The following OTOA variants were observed in gnomAD, a reference collection of about 807,000 sequenced individuals.
OTOA encodes the protein otoancorin, also known as cancer/testis antigen 108.
Under a neutral mutation model 110.8 loss-of-function variants are expected in OTOA, and 70 were observed. That is an observed-to-expected ratio of 0.63 (90% confidence interval 0.52 to 0.77). The LOEUF (loss-of-function observed/expected upper bound fraction) is 0.77, where lower values mean the gene tolerates loss of function less well. Among genes scored for constraint, OTOA ranks in the 30% least tolerant of loss-of-function variants. OTOA has a pLI of 0.00. For synonymous variants in OTOA, 373 were observed against 431.5 expected (o/e 0.86, Z 1.68); for missense variants, 917 against 1,075.8 (o/e 0.85, Z 2.06).
intron 13 of OTOA, 66 bp from the exon 14 acceptor site, chr16:21,714,919 C>T: frequency 1.2e-6 from 2 of 1,604,422 alleles, no homozygotes; most frequent in Non-Finnish European, 1.7e-6. Flanking sequence ...CATAGATGGG[C>T]TGAGTGCACG....
At chr16:21,706,784 G>A (rs1268543609) in intron 12 of OTOA, among the ~76,000 whole-genome samples, 7 of 148,874 alleles carry the variant, frequency 4.7e-5, no homozygotes, top group Admixed American at 4.0e-4. Flanking sequence ...AAACACATTT[G>A]ACATTTGAGA....
At chr16:21,719,554 C>T in intron 17 of OTOA, 50 bp downstream of exon 17, 3 of 1,511,780 alleles carry the variant, frequency 2.0e-6, no homozygotes, top group Non-Finnish European at 2.8e-6. Flanking sequence ...CTACCCCAGT[C>T]ACTGGGCCTG....
At chr16:21,705,006 G>A (rs755756288) in intron 11 of OTOA, 163 bp from the exon 12 acceptor site, 24 of 1,147,486 alleles carry the variant, frequency 2.1e-5, no homozygotes, top group Non-Finnish European at 2.9e-5. Flanking sequence ...TCCGCCTGTG[G>A]TTGCACATTT....
At chr16:21,688,002 G>A (rs1447122732) in intron 8 of OTOA, among the ~76,000 whole-genome samples, 2 of 151,990 alleles carry the variant, frequency 1.3e-5, no homozygotes, top group Non-Finnish European at 2.9e-5. Context: ...TCCTTCAGGG[G>A]CTGCCGTGAG....
rs141635146 is a variant in OTOA, at chr16:21,676,165, T to G, written c.-4-2346T>G. 4.7e-3 allele frequency among the ~76,000 whole-genome samples: 721 copies of G among 152,284 alleles called. 6 individuals carry two copies. The highest frequency in any genetic ancestry group is 0.016 in the African/African-American group (676 of 41,552). On this transcript the variant is annotated intron_variant, in intron 1 of 28. Coordinates refer to ENST00000646100, the MANE Select transcript of OTOA (RefSeq NM_144672.4). The stretch of plus-strand genomic sequence containing the variant: ...AACTCCTGAGCTCAGACAATTCACC[T>G]TCCTTGGCCTCCCAAAGGGCTGGGA...
rs1567377815 is a variant in OTOA, at chr16:21,705,276, A to G, written c.1088A>G (p.Gln363Arg). The change falls in exon 12 of 29, where the codon CAG (glutamine) becomes CGG (arginine). Residue 363 changes from glutamine (Q) to arginine (R), a missense_variant. Coordinates refer to ENST00000646100, the MANE Select transcript of OTOA (RefSeq NM_144672.4). ...AAGTGCAGCCACCTGAGGGGCTTCCAGGCTGGCGTCCAGAAGGTACAGCTG... is the reference window on the plus strand; with the variant it reads ...AAGTGCAGCCACCTGAGGGGCTTCCGGGCTGGCGTCCAGAAGGTACAGCTG... ...MIKCSHLRGF[Q>R]AGVQKLKAEL... 1 of 1,613,996 alleles carries G rather than the reference A, an allele frequency of 6.2e-7. No homozygotes were observed. Among genetic ancestry groups the G allele is most frequent in the Admixed American group, 1.7e-5 (1 of 60,024 alleles).
chr16:21,743,762 CT>C (rs1899565664), intron 23 of OTOA, among the ~76,000 whole-genome samples: 1 of 123,620 alleles, frequency 8.1e-6, no homozygotes, highest in African/African-American at 2.8e-5. Context: ...TTTAATTTTT[CT>C]TTTGTGAATT....
intron 1 of OTOA, among the ~76,000 whole-genome samples, chr16:21,665,985 G>A (rs777306895): frequency 6.6e-6 from 1 of 151,978 alleles, no homozygotes; most frequent in Non-Finnish European, 1.5e-5. Flanking sequence ...CATGCACCCA[G>A]CTAATTTTTA....
intron 3 of OTOA, 29 bp downstream of exon 3, chr16:21,678,972 G>A (rs758989932): frequency 6.2e-7 from 1 of 1,613,822 alleles, no homozygotes; most frequent in Admixed American, 1.7e-5. Context: ...GTTAATCAGA[G>A]TCCCCTCTAC....
Position 21,707,593 on chromosome 16 carries a change from TTTTCTTTCTTTCTTTCTTTCTTTC to T in OTOA, c.1105-2253_1105-2230del, listed in dbSNP as rs58214995. ...CCCTCCCTACCTTCCTTCTCCTTCC[TTTTCTTTCTTTCTTTCTTTCTTTC>T]TTTCTTTCTTTCTTTCTTTCTTTCT... On this transcript the variant is annotated intron_variant, in intron 12 of 28. Coordinates refer to ENST00000646100, the MANE Select transcript of OTOA (RefSeq NM_144672.4). Among the ~76,000 whole-genome samples the T allele has an allele frequency of 1.1e-3, 100 of 94,110 alleles. 1 individual carries two copies. Among genetic ancestry groups the T allele is most frequent in the Middle Eastern group, 4.9e-3 (1 of 204 alleles). The allele number at this position is 94,110 out of a possible 152,430, so 61.7% of individuals were successfully genotyped here.
chr16:21,679,224 A>G lies in OTOA; in HGVS notation c.179+13A>G. The G allele has an allele frequency of 6.2e-7, 1 of 1,612,592 alleles. No homozygotes were observed. The highest frequency in any genetic ancestry group is 8.5e-7 in the Non-Finnish European group (1 of 1,179,332). On this transcript the variant is annotated intron_variant, in intron 5 of 28. Coordinates refer to ENST00000646100, the MANE Select transcript of OTOA (RefSeq NM_144672.4). ...TACAGTTTCAAAGGTAAAATGCCCT[A>G]GAGGAGAGGGGAAGGGATGGTATAG...
intron 17 of OTOA, chr16:21,721,285 C>G (rs772018713): frequency 4.5e-6 from 2 of 444,160 alleles, no homozygotes; most frequent in East Asian, 1.4e-4. Flanking sequence ...ACACAAACAA[C>G]CAATACAGAG....
At position 21,734,752 on chromosome 16, in the gene OTOA, G is replaced by T. The variant is rs899427230; in HGVS notation, c.2302-1509G>T. Among the ~76,000 whole-genome samples, 5 of 151,920 alleles carry T rather than the reference G, an allele frequency of 3.3e-5. 1 individual carries two copies. Among genetic ancestry groups the T allele is most frequent in the Non-Finnish European group, 7.4e-5 (5 of 67,988 alleles). ...CTCGGGAGGCTGAGGTAGGAGAACG[G>T]CGTGAACCCAGGGGGCAGAGCTTGC... On this transcript the variant is annotated intron_variant, in intron 21 of 28. Transcript: ENST00000646100.
At chr16:21,704,979 C>T (rs778552990) in intron 11 of OTOA, 190 bp from the exon 12 acceptor site, 4 of 899,426 alleles carry the variant, frequency 4.4e-6, no homozygotes, top group Admixed American at 1.7e-5. Context: ...TCCTTGGTCT[C>T]GTCTGAGCAG....
chr16:21,713,700 C>T (rs1898427191), intron 13 of OTOA, among the ~76,000 whole-genome samples: 1 of 152,212 alleles, frequency 6.6e-6, no homozygotes, highest in African/African-American at 2.4e-5. Context: ...TCTTGTTTAA[C>T]TCCTGTGCTC....
intron 1 of OTOA, among the ~76,000 whole-genome samples, chr16:21,675,876 A>G (rs2141650408): frequency 6.6e-6 from 1 of 152,144 alleles, no homozygotes; most frequent in African/African-American, 2.4e-5. Flanking sequence ...TTTTCTCCTG[A>G]TAATCAGCCA....
rs1173813482 is a variant in OTOA, at chr16:21,695,887, ATATAT to A, written c.740-1886_740-1882del. Among the ~76,000 whole-genome samples the A allele has an allele frequency of 3.2e-4, 20 of 61,636 alleles. No homozygotes were observed. The South Asian group carries it at 0.012, about 38-fold the overall frequency. 40.4% of individuals were successfully genotyped at this position (61,636 alleles called of 152,430 possible). A position where few individuals can be genotyped will look rare whatever the true frequency, so the allele number is the denominator to read the frequency against. On this transcript the variant is annotated intron_variant, in intron 9 of 28. Transcript: ENST00000646100. Reference sequence around the variant, plus strand: ...TTGAGATATATATATATATATATATATATATTTTTTTTTTTTTTTTTTTCTGAGAT... The same window carrying A: ...TTGAGATATATATATATATATATATATTTTTTTTTTTTTTTTTTCTGAGAT...
At chr16:21,675,006 A>C (rs1368958573) in intron 1 of OTOA, among the ~76,000 whole-genome samples, 1 of 134,610 alleles carries the variant, frequency 7.4e-6, no homozygotes, top group African/African-American at 2.8e-5. Context: ...GGATCTGTGG[A>C]TCTGTAGTTC....
At position 21,736,369 on chromosome 16, in the gene OTOA, C is replaced by G. The variant is rs112761490; in HGVS notation, c.2410C>G (p.Pro804Ala). The G allele has an allele frequency of 2.9e-5, 46 of 1,613,972 alleles. No homozygotes were observed. Among genetic ancestry groups the G allele is most frequent in the African/African-American group, 4.0e-5 (3 of 74,882 alleles). Residue 804 changes from proline to alanine, a missense_variant, in exon 22 of 29, where the codon CCC becomes GCC. Physicochemically the swap from Pro to Ala is conservative, Grantham distance 27. Coordinates refer to ENST00000646100, the MANE Select transcript of OTOA (RefSeq NM_144672.4). The part of the protein sequence containing the change: ...QSVRNSSDKI[P>A]SYDPMPGCHG... ...TGTTCGGAACAGCAGTGATAAGATCCCCAGCTATGACCCTATGCCTGGTGA... is the reference window on the plus strand; with the variant it reads ...TGTTCGGAACAGCAGTGATAAGATCGCCAGCTATGACCCTATGCCTGGTGA...
Sources: allele counts gnomAD v4.1 joint callset (sites outside exome capture counted in the v4.1 genomes callset), GRCh38; gene constraint gnomAD v4.1.1; transcripts MANE v1.5; gene names NCBI Gene and HGNC (gene_info 2026-07-23, HGNC 2026-07-21).